The following SEMA3A variants were observed in gnomAD, a reference collection of about 807,000 sequenced individuals.
SEMA3A encodes the protein semaphorin 3A.
A neutral mutation model predicts 97.9 loss-of-function variants in SEMA3A; 29 were observed. The ratio of observed to expected loss-of-function variants is 0.30; its 90% confidence interval spans 0.22 to 0.40. The LOEUF (loss-of-function observed/expected upper bound fraction) is 0.40, where lower values mean the gene tolerates loss of function less well. SEMA3A is among the 10% of genes least tolerant of loss of function. SEMA3A has a pLI of 1.00. For missense variants in SEMA3A, 763 were observed against 951.3 expected, an observed-to-expected ratio of 0.80 and a Z score of 2.60; for synonymous variants, 321 against 323.7, an observed-to-expected ratio of 0.99 and a Z score of 0.09.
chr7:84,034,034 A>G (rs1791855975), intron 6 of SEMA3A, among the ~76,000 whole-genome samples: 1 of 150,978 alleles, frequency 6.6e-6, no homozygotes, highest in South Asian at 2.1e-4. Context: ...TCCAGGCTGG[A>G]GTTCCCTGGT....
upstream of SEMA3A, among the ~76,000 whole-genome samples, chr7:84,199,212 G>T (rs572168045): frequency 5.3e-5 from 8 of 152,290 alleles, no homozygotes; most frequent in East Asian, 1.5e-3. Flanking sequence ...AATATAAGGA[G>T]AAATTGTGTT....
chr7:84,208,232 C>T (rs1020144631), intron 3 of SEMA3A, among the ~76,000 whole-genome samples: 2 of 152,130 alleles, frequency 1.3e-5, no homozygotes, highest in Admixed American at 6.5e-5. Flanking sequence ...GGGGGCAGAT[C>T]GTGAGGTCAG....
Position 84,354,466 on chromosome 7 carries a change from A to T in SEMA3A, c.-169+17358T>A, listed in dbSNP as rs559535408. On this transcript the variant is annotated intron_variant, in intron 2 of 3. Transcript: ENST00000424555. The stretch of plus-strand genomic sequence containing the variant: ...TACTTCCCCTTCCATTTCTTTTCCT[A>T]TACCCCCATTCCCTTAAGTTGCAAG... Among the ~76,000 whole-genome samples, 4 of 151,646 alleles carry T rather than the reference A, an allele frequency of 2.6e-5. No individual in the cohort carries two copies. In the East Asian group the frequency reaches 7.7e-4, roughly 29 times the overall value.
chr7:84,143,215 G>A (rs1479803978), intron 1 of SEMA3A, among the ~76,000 whole-genome samples: 1 of 151,914 alleles, frequency 6.6e-6, no homozygotes, highest in Non-Finnish European at 1.5e-5. Flanking sequence ...ACTTTCTACT[G>A]GTGAAAGATG....
At chr7:84,392,745 T>C (rs750656636) in intron 1 of SEMA3A, among the ~76,000 whole-genome samples, 9 of 152,166 alleles carry the variant, frequency 5.9e-5, no homozygotes, top group Non-Finnish European at 1.0e-4. Context: ...TTAACAGATG[T>C]GAGGTGTTAA....
intron 1 of SEMA3A, among the ~76,000 whole-genome samples, chr7:84,458,616 G>A (rs183713250): frequency 7.9e-5 from 12 of 152,074 alleles, no homozygotes; most frequent in Non-Finnish European, 1.6e-4. Context: ...CCTCTAGGCT[G>A]TCAGGTTTGT....
At chr7:84,175,918 T>C (rs537608776) in intron 1 of SEMA3A, among the ~76,000 whole-genome samples, 2 of 152,294 alleles carry the variant, frequency 1.3e-5, no homozygotes, top group African/African-American at 2.4e-5. Flanking sequence ...TGAAGTTTTA[T>C]AGCACTTTTT....
chr7:84,130,405 A>G (rs1189731477), intron 2 of SEMA3A, among the ~76,000 whole-genome samples: 5 of 152,152 alleles, frequency 3.3e-5, no homozygotes, highest in Non-Finnish European at 5.9e-5. Context: ...TTTCAGGTCC[A>G]TGTCAAAACA....
At chr7:84,304,458 C>T (rs1213523108) in intron 3 of SEMA3A, among the ~76,000 whole-genome samples, 2 of 151,868 alleles carry the variant, frequency 1.3e-5, no homozygotes, top group East Asian at 1.9e-4. Context: ...AAAAATAAGA[C>T]TTTACTCAAT....
intron 2 of SEMA3A, among the ~76,000 whole-genome samples, chr7:84,320,715 G>GCAA (rs1390542930): frequency 1.3e-5 from 2 of 151,676 alleles, no homozygotes; most frequent in East Asian, 3.9e-4. Context: ...ATGTACAATT[G>GCAA]TTGAATTGCA....
chr7:83,982,559 A>G (rs549428186), intron 13 of SEMA3A, among the ~76,000 whole-genome samples: 4 of 152,316 alleles, frequency 2.6e-5, no homozygotes, highest in African/African-American at 9.6e-5. Context: ...CAATAATTAT[A>G]GTAAGCCTTA....
At chr7:84,480,251 T>C (rs1156228640) in intron 1 of SEMA3A, among the ~76,000 whole-genome samples, 1 of 152,188 alleles carries the variant, frequency 6.6e-6, no homozygotes, top group East Asian at 1.9e-4. Context: ...CTCGCTGAAT[T>C]TCCAACTGCA....
At position 84,367,713 on chromosome 7, in the gene SEMA3A, C is replaced by G. The variant is rs1388417120; in HGVS notation, c.-169+4111G>C. On this transcript the variant is annotated intron_variant, in intron 2 of 3. Transcript: ENST00000424555. ...CAGATAGGTGAGAAAGCAAGACTTG[C>G]ATTTGGAATAATGAGTAGACCTATA... is the stretch of plus-strand genomic sequence containing the variant. Among the ~76,000 whole-genome samples the G allele has an allele frequency of 4.6e-5, 7 of 150,604 alleles. No individual in the cohort carries two copies. In the East Asian group the frequency reaches 1.4e-3, roughly 29 times the overall value.
intron 2 of SEMA3A, among the ~76,000 whole-genome samples, chr7:84,371,160 A>T (rs1802965375): frequency 6.6e-6 from 1 of 151,860 alleles, no homozygotes; most frequent in Admixed American, 6.6e-5. Context: ...TTGTGCAAAT[A>T]GATTTACATT....
At chr7:84,239,654 AC>A (rs902202837) in intron 3 of SEMA3A, among the ~76,000 whole-genome samples, 4 of 152,198 alleles carry the variant, frequency 2.6e-5, no homozygotes, top group Middle Eastern at 3.2e-3. Context: ...TCGTAAAAAA[AC>A]AACTGTAATT....
At chr7:84,459,051 C>T (rs910186980) in intron 1 of SEMA3A, among the ~76,000 whole-genome samples, 3 of 152,090 alleles carry the variant, frequency 2.0e-5, no homozygotes, top group Non-Finnish European at 4.4e-5. Flanking sequence ...GCACTAATAT[C>T]ATCACCCTCC....
At chr7:84,424,946 T>C (rs1270900754) in intron 1 of SEMA3A, among the ~76,000 whole-genome samples, 1 of 96,010 alleles carries the variant, frequency 1.0e-5, no homozygotes, top group Non-Finnish European at 1.7e-5. Flanking sequence ...TAAATATATA[T>C]TTATAATTAT....
intron 3 of SEMA3A, among the ~76,000 whole-genome samples, chr7:84,272,765 A>T (rs925553779): frequency 2.0e-5 from 3 of 152,116 alleles, no homozygotes; most frequent in Non-Finnish European, 4.4e-5. Context: ...GGAAAACTGT[A>T]CTATTTGGTC....
At chr7:84,088,443 G>T (rs1203215699) in intron 4 of SEMA3A, among the ~76,000 whole-genome samples, 3 of 151,324 alleles carry the variant, frequency 2.0e-5, no homozygotes, top group Admixed American at 1.3e-4. Context: ...TACACAGGGA[G>T]ACTCCGTTTC....
Sources: allele counts gnomAD v4.1 joint callset (sites outside exome capture counted in the v4.1 genomes callset), GRCh38; gene constraint gnomAD v4.1.1; transcripts MANE v1.5; gene names NCBI Gene and HGNC (gene_info 2026-07-23, HGNC 2026-07-21).